Variants in PWWP2A observed in about 807,000 individuals in gnomAD.
The protein encoded by PWWP2A is PWWP domain-containing protein 2A.
In PWWP2A, 18 loss-of-function variants were observed where a neutral mutation model predicts 48.5. The observed-to-expected ratio is 0.37, with a 90% CI of 0.26 to 0.55. PWWP2A has a LOEUF of 0.55. PWWP2A is among the 20% of genes least tolerant of loss of function. The pLI is 0.81. For missense variants in PWWP2A, 867 were observed against 976.4 expected (o/e 0.89, Z 1.49); for synonymous variants, 396 against 387.7 (o/e 1.02, Z -0.25).
In PWWP2A at chr5:160,078,295, C is replaced by A. The variant is rs776370790; in HGVS notation, c.1670-127G>T. ...TCACACCTGATTTTTTCTTTTAAAT[C>A]GGTTAAACCTGACCGATGTTGTTTT... On this transcript the variant is annotated intron_variant, in intron 3 of 3. Coordinates refer to the PWWP2A transcript ENST00000456329. This position sits in a 1 kb window ranked among gnomAD's most constrained non-coding sequence, Gnocchi z 4.2. 1 of 726,688 alleles carries A rather than the reference C, an allele frequency of 1.4e-6. No individual in the cohort carries two copies. Among genetic ancestry groups the A allele is most frequent in the South Asian group, 1.7e-5 (1 of 58,816 alleles). 45.0% of individuals were successfully genotyped at this position (726,688 alleles called of 1,614,324 possible).
the PWWP2A span, among the ~76,000 whole-genome samples, chr5:160,050,815 A>G: frequency 6.6e-6 from 1 of 152,034 alleles, no homozygotes; most frequent in Admixed American, 6.6e-5. Flanking sequence ...TTGTAGAGAC[A>G]GCATTTTGCC....
chr5:160,118,774 G>A (rs1336715482), intron 1 of PWWP2A, 31 bp downstream of exon 1: 1 of 1,390,900 alleles, frequency 7.2e-7, no homozygotes, highest in Middle Eastern at 1.9e-4. Context: ...GGACCCAGCG[G>A]ACCGGAGGGT....
chr5:160,048,126 C>CT, the PWWP2A span, among the ~76,000 whole-genome samples: 13 of 35,570 alleles, frequency 3.7e-4, 4 homozygotes, highest in African/African-American at 4.9e-4. Context: ...CAAGACATTG[C>CT]TTTTTTTTTT....
chr5:160,056,500 C>A, the PWWP2A span, among the ~76,000 whole-genome samples: 2 of 152,072 alleles, frequency 1.3e-5, no homozygotes, highest in South Asian at 4.1e-4. Context: ...CCTGGGAGGT[C>A]AAGACTGCAG....
rs1755188185 is a variant in PWWP2A at position 160,092,542 on chromosome 5, A to T, written c.2108T>A (p.Phe703Tyr). 1 of 1,551,556 alleles carries T rather than the reference A, an allele frequency of 6.4e-7. No individual in the cohort carries two copies. The highest frequency in any genetic ancestry group is 1.4e-5 in the African/African-American group (1 of 73,048). ...ISWFGSPTTS[F>Y]LALSQLSPFL... ...GGGGGAGAGTTGTGAAAGAGCAAGG[A>T]AAGATGTTGTTGGAGACCCAAACCA... The change falls in exon 2 of 2, where the codon TTC becomes TAC. Residue 703 changes from phenylalanine to tyrosine, a missense_variant. Physicochemically the swap from Phe to Tyr is conservative, Grantham distance 22. Around this residue, in one of 4 missense-constraint regions of PWWP2A, gnomAD observed 97 missense variants for 151.7 expected, o/e 0.64. Coordinates refer to ENST00000307063, the MANE Select transcript of PWWP2A (RefSeq NM_001130864.2).
At position 160,118,846 on chromosome 5, in the gene PWWP2A, C is replaced by G; in HGVS notation, c.543G>C (p.Gly181=). 6.3e-7 allele frequency: 1 copy of G among 1,585,382 alleles called. No homozygotes were observed. Among genetic ancestry groups the G allele is most frequent in the Non-Finnish European group, 8.6e-7 (1 of 1,167,612 alleles). Residue 181 remains glycine (G), a synonymous_variant, in exon 1 of 2, where the codon GGG becomes GGC. Coordinates refer to ENST00000307063, the MANE Select transcript of PWWP2A (RefSeq NM_001130864.2). ...TGAGGACCCCGGAGAAGAGCTTCTC[C>G]CCGAAGCGGAACGACACGACAAGCG... ...EDALVVSFRF[G]EKLFSGVLMD... is the part of the protein sequence containing the mutation.
chr5:160,045,358 A>G, the PWWP2A span, among the ~76,000 whole-genome samples: 4 of 152,022 alleles, frequency 2.6e-5, no homozygotes, highest in African/African-American at 4.8e-5. Flanking sequence ...GTGGTTAGAC[A>G]TGGTCATTAT....
downstream of PWWP2A, chr5:160,090,044 T>C (rs192071457): frequency 9.1e-5 from 90 of 985,428 alleles, no homozygotes; most frequent in African/African-American, 1.3e-3. Flanking sequence ...AAACTGCAAA[T>C]GAAATATGCC....
chr5:160,086,441 C>CAGG (rs1554100350), downstream of PWWP2A, among the ~76,000 whole-genome samples: 3 of 152,058 alleles, frequency 2.0e-5, no homozygotes, highest in Non-Finnish European at 4.4e-5. Flanking sequence ...CGCCTGAGCC[C>CAGG]AGGAGGTCAA....
In PWWP2A at chr5:160,092,479, CTCT is replaced by C; in HGVS notation, c.2168_2170del (p.Lys723del). On this transcript the variant is annotated inframe_deletion, in exon 2 of 2. Transcript: ENST00000307063. Reference sequence around the variant, plus strand: ...GATAGCCTTGCGATACAGGCCCTTTCTCTTCTTATTAAAGCGTGACTGGAAGTT... The same window carrying C: ...GATAGCCTTGCGATACAGGCCCTTTCTCTTATTAAAGCGTGACTGGAAGTT... The C allele has an allele frequency of 6.4e-7, 1 of 1,551,662 alleles. No homozygotes were observed. The highest frequency in any genetic ancestry group is 2.4e-5 in the East Asian group (1 of 40,916).
chr5:160,090,496 T>C (rs576937024), downstream of PWWP2A: 1,382 of 983,554 alleles, frequency 1.4e-3, 2 homozygotes, highest in Non-Finnish European at 1.6e-3. Flanking sequence ...TTTTTAAGTA[T>C]AGTTGTTTCT....
At chr5:160,068,674 C>G (rs1753673204) in intron 2 of PWWP2A, among the ~76,000 whole-genome samples, 2 of 152,190 alleles carry the variant, frequency 1.3e-5, no homozygotes, top group South Asian at 4.1e-4. Context: ...ATTATCTACT[C>G]TTTCTCATCT....
chr5:160,096,932 T>C (rs913028270), intron 1 of PWWP2A, among the ~76,000 whole-genome samples: 1 of 152,088 alleles, frequency 6.6e-6, no homozygotes, highest in Non-Finnish European at 1.5e-5. Context: ...TTTCTGACCT[T>C]AAAAGGATTC....
chr5:160,047,598 GTCTGAAGCT>G, the PWWP2A span, among the ~76,000 whole-genome samples: 1 of 152,172 alleles, frequency 6.6e-6, no homozygotes, highest in Non-Finnish European at 1.5e-5. Context: ...ATCAGAGTAT[GTCTGAAGCT>G]TGCTTGAAAA....
intron 2 of PWWP2A, among the ~76,000 whole-genome samples, chr5:160,086,275 T>C (rs1754631248): frequency 6.6e-6 from 1 of 152,102 alleles, no homozygotes; most frequent in African/African-American, 2.4e-5. Flanking sequence ...CCCACCACTT[T>C]GGGAGGCTGA....
At chr5:160,048,126 C>CTTTTTTTTT in the PWWP2A span, among the ~76,000 whole-genome samples, 8 of 35,570 alleles carry the variant, frequency 2.2e-4, 1 homozygote, top group African/African-American at 8.5e-4. Flanking sequence ...CAAGACATTG[C>CTTTTTTTTT]TTTTTTTTTT....
At chr5:160,084,382 T>C (rs926641076) in intron 2 of PWWP2A, among the ~76,000 whole-genome samples, 1 of 152,212 alleles carries the variant, frequency 6.6e-6, no homozygotes, top group African/African-American at 2.4e-5. Context: ...TGAAAGGGAA[T>C]GGTTCTTTGC....
At chr5:160,103,232 C>A (rs1447602248) in intron 1 of PWWP2A, among the ~76,000 whole-genome samples, 3 of 152,060 alleles carry the variant, frequency 2.0e-5, no homozygotes, top group Admixed American at 6.6e-5. Context: ...AAATAAGAAG[C>A]TAAAAAAGTG....
At chr5:160,064,881 C>G (rs1300477737) in intron 4 of PWWP2A, 1 of 1,571,214 alleles carries the variant, frequency 6.4e-7, no homozygotes, top group Non-Finnish European at 8.6e-7. Context: ...TGGTACCTTC[C>G]TGCTTCTGTT....
Sources: allele counts gnomAD v4.1 joint callset (sites outside exome capture counted in the v4.1 genomes callset), GRCh38; gene constraint gnomAD v4.1.1; regional missense constraint gnomAD v4.1.1; non-coding constraint Gnocchi (gnomAD v3.1); transcripts MANE v1.5; gene names NCBI Gene and HGNC (gene_info 2026-07-23, HGNC 2026-07-21).